Variants in SBF2 observed in about 807,000 individuals in gnomAD.
The protein encoded by SBF2 is myotubularin-related protein 13.
SBF2 carries 112 observed loss-of-function variants against 225.2 expected under a neutral mutation model. The ratio of observed to expected loss-of-function variants is 0.50; its 90% CI spans 0.43 to 0.58. The LOEUF (loss-of-function observed/expected upper bound fraction) is 0.58, where lower values mean the gene tolerates loss of function less well. Ranked by LOEUF, SBF2 falls within the 20% of genes least tolerant of loss-of-function variation. The pLI, the probability that SBF2 is intolerant of heterozygous loss-of-function variation, is 0.00. For missense variants in SBF2, 1,996 were observed against 2,206.2 expected, an observed-to-expected ratio of 0.90 and a Z score of 1.91; for synonymous variants, 763 against 773.3, an observed-to-expected ratio of 0.99 and a Z score of 0.22.
chr11:10,219,841 T>C (rs955211738), intron 1 of SBF2, among the ~76,000 whole-genome samples: 2 of 152,178 alleles, frequency 1.3e-5, no homozygotes, highest in African/African-American at 2.4e-5. Context: ...TCATTGTCCA[T>C]ATCACTATCA....
chr11:9,816,261 A>T (rs985413239), intron 29 of SBF2, among the ~76,000 whole-genome samples: 2 of 152,196 alleles, frequency 1.3e-5, no homozygotes, highest in African/African-American at 4.8e-5. Context: ...TTTAACAGTA[A>T]GAATAAAGTT....
intron 1 of SBF2, among the ~76,000 whole-genome samples, chr11:10,221,137 T>TA (rs1371670711): frequency 6.6e-6 from 1 of 151,008 alleles, no homozygotes; most frequent in Non-Finnish European, 1.5e-5. Flanking sequence ...TTTTTTTTTT[T>TA]AATTGAGACT....
rs150531267 is a variant in SBF2 at position 9,919,933 on chromosome 11, T to C, written c.1861-23922A>G. ...TTTAGTAGAGACAGGGGTTTCTCCA[T>C]GTTGGTCAGGCTGGTCTGGAACTCC... On this transcript the variant is annotated intron_variant, in intron 16 of 39. Coordinates refer to ENST00000256190, the MANE Select transcript of SBF2 (RefSeq NM_030962.4). Among the ~76,000 whole-genome samples, 44 of 152,158 alleles carry C rather than the reference T, an allele frequency of 2.9e-4. 1 individual carries two copies. Among genetic ancestry groups the C allele is most frequent in the African/African-American group, 9.6e-4 (40 of 41,514 alleles).
At chr11:9,965,590 A>AC (rs1279814269) in intron 14 of SBF2, among the ~76,000 whole-genome samples, 9 of 152,180 alleles carry the variant, frequency 5.9e-5, no homozygotes, top group Admixed American at 2.0e-4. Context: ...GCCCAGCCTT[A>AC]AACTTTTTAA....
chr11:10,142,787 C>A (rs924980794), intron 2 of SBF2, among the ~76,000 whole-genome samples: 1 of 152,164 alleles, frequency 6.6e-6, no homozygotes, highest in Admixed American at 6.5e-5. Flanking sequence ...CACATAAACT[C>A]GTAGACTGAT....
At chr11:9,880,779 T>C (rs1859697514) in intron 17 of SBF2, among the ~76,000 whole-genome samples, 1 of 152,230 alleles carries the variant, frequency 6.6e-6, no homozygotes, top group African/African-American at 2.4e-5. Context: ...TCAAATTACT[T>C]TTCCTGTCAT....
At chr11:9,902,530 G>A (rs1861800184) in intron 16 of SBF2, among the ~76,000 whole-genome samples, 1 of 152,090 alleles carries the variant, frequency 6.6e-6, no homozygotes, top group Non-Finnish European at 1.5e-5. Flanking sequence ...CAACTACCGG[G>A]CTGTGGTCAC....
At chr11:9,930,881 G>A (rs1490643823) in intron 16 of SBF2, among the ~76,000 whole-genome samples, 1 of 152,184 alleles carries the variant, frequency 6.6e-6, no homozygotes, top group Non-Finnish European at 1.5e-5. Context: ...CTGGAAAAAC[G>A]GGACACTCCC....
Position 9,812,869 on chromosome 11 carries a change from T to C in SBF2, c.3979-161A>G, listed in dbSNP as rs112254909. On this transcript the variant is annotated intron_variant, in intron 29 of 39. Coordinates refer to ENST00000256190, the MANE Select transcript of SBF2 (RefSeq NM_030962.4). Reference sequence around the variant, plus strand: ...TCAATCTTGTACAGCAATGTGTCAGTGTTGGTGGGAACAGCCATTCAGTAC... The same window carrying C: ...TCAATCTTGTACAGCAATGTGTCAGCGTTGGTGGGAACAGCCATTCAGTAC... 124 of 717,720 alleles carry C rather than the reference T, an allele frequency of 1.7e-4. 2 individuals carry two copies. The Middle Eastern group carries it at 2.6e-3, about 15-fold the overall frequency. The allele number at this position is 717,720 out of a possible 1,614,324, so 44.5% of individuals were successfully genotyped here. A position where few individuals can be genotyped will look rare whatever the true frequency, so the allele number is the denominator to read the frequency against.
rs571815610 is a variant in SBF2 at position 9,959,067 on chromosome 11, C to G, written c.1860+2890G>C. 130 of 1,505,832 alleles carry G rather than the reference C, an allele frequency of 8.6e-5. No homozygotes were observed. In the African/African-American group the frequency reaches 1.5e-3, roughly 18 times the overall value. The allele number at this position is 1,505,832 out of a possible 1,614,324, so 93.3% of individuals were successfully genotyped here. On this transcript the variant is annotated intron_variant, in intron 16 of 39. Coordinates refer to ENST00000256190, the MANE Select transcript of SBF2 (RefSeq NM_030962.4). ...TGTTGGTATGGCAGCCTGCACCATTCCAGTTCCCAGGAATGGGCTTAGGAT... is the reference window on the plus strand; with the variant it reads ...TGTTGGTATGGCAGCCTGCACCATTGCAGTTCCCAGGAATGGGCTTAGGAT...
intron 16 of SBF2, among the ~76,000 whole-genome samples, chr11:9,935,337 C>T (rs1864813997): frequency 6.6e-6 from 1 of 152,154 alleles, no homozygotes; most frequent in Non-Finnish European, 1.5e-5. Flanking sequence ...ATTCCATGCT[C>T]ATGGATAGGA....
intron 2 of SBF2, among the ~76,000 whole-genome samples, chr11:10,099,557 G>A (rs1373312008): frequency 6.6e-6 from 1 of 152,150 alleles, no homozygotes; most frequent in Non-Finnish European, 1.5e-5. Context: ...GTCAGTGTCA[G>A]AATATTACAC....
chr11:10,193,622 G>T (rs1245122443), intron 2 of SBF2, among the ~76,000 whole-genome samples: 1 of 151,924 alleles, frequency 6.6e-6, no homozygotes, highest in Non-Finnish European at 1.5e-5. Flanking sequence ...AAAGTGCTGG[G>T]ATTACAGGCA....
At chr11:10,089,399 C>T (rs1183643120) in intron 2 of SBF2, among the ~76,000 whole-genome samples, 2 of 152,196 alleles carry the variant, frequency 1.3e-5, no homozygotes. Flanking sequence ...AAAAGTTTCA[C>T]TGTTTCTTGA....
intron 16 of SBF2, among the ~76,000 whole-genome samples, chr11:9,922,361 C>T (rs1219902883): frequency 2.6e-5 from 4 of 152,152 alleles, no homozygotes; most frequent in African/African-American, 4.8e-5. Flanking sequence ...TTTTCTTTCA[C>T]ATTTTCCTCT....
intron 2 of SBF2, among the ~76,000 whole-genome samples, chr11:10,162,322 G>A (rs1021876130): frequency 5.9e-5 from 9 of 151,996 alleles, no homozygotes; most frequent in African/African-American, 1.7e-4. Context: ...GGAACTAACC[G>A]AAATCTCTAT....
intron 16 of SBF2, among the ~76,000 whole-genome samples, chr11:9,899,202 T>A (rs1349177410): frequency 6.6e-6 from 1 of 151,866 alleles, no homozygotes; most frequent in East Asian, 1.9e-4. Flanking sequence ...AGCAATAAAA[T>A]AGTCACTTGG....
chr11:9,997,114 T>C (rs904493625), intron 9 of SBF2, among the ~76,000 whole-genome samples: 2 of 152,230 alleles, frequency 1.3e-5, no homozygotes, highest in Non-Finnish European at 2.9e-5. Flanking sequence ...AACACAAATT[T>C]GAAAGTTTTC....
Position 10,042,956 on chromosome 11 carries a change from A to G in SBF2, c.167T>C (p.Leu56Pro). The G allele has an allele frequency of 1.9e-6, 3 of 1,614,016 alleles. No individual in the cohort carries two copies. The highest frequency in any genetic ancestry group is 2.5e-6 in the Non-Finnish European group (3 of 1,179,918). ...CGTTGGCTGCTTCCTCTCTCTGGAC[A>G]GCTGCCACCCGCCAGGCTGACAAAA... ...ELFCQPGGWQ[L>P]SRERKQPTFF... Residue 56 changes from leucine to proline, a missense_variant, in exon 3 of 40, where the codon CTG becomes CCG. Transcript: ENST00000256190.
Sources: allele counts gnomAD v4.1 joint callset (sites outside exome capture counted in the v4.1 genomes callset), GRCh38; gene constraint gnomAD v4.1.1; transcripts MANE v1.5; gene names NCBI Gene and HGNC (gene_info 2026-07-23, HGNC 2026-07-21).